The following RNF180 variants were observed in gnomAD, a reference collection of about 807,000 sequenced individuals.
RNF180 encodes ring finger protein 180, also known as E3 ubiquitin-protein ligase RNF180.
Under a neutral mutation model 59.2 loss-of-function variants are expected in RNF180, and 38 were observed. The ratio of observed to expected loss-of-function variants is 0.64; its 90% CI spans 0.50 to 0.84. The LOEUF (loss-of-function observed/expected upper bound fraction) is 0.84. RNF180 is among the 40% of genes least tolerant of loss of function. The pLI, the probability that RNF180 is intolerant of heterozygous loss-of-function variation, is 0.00. For synonymous variants in RNF180, 262 were observed against 240.3 expected, an observed-to-expected ratio of 1.09 and a Z score of -0.84; for missense variants, 705 against 700.9, an observed-to-expected ratio of 1.01 and a Z score of -0.07.
intron 5 of RNF180, among the ~76,000 whole-genome samples, chr5:64,246,231 C>G (rs1263198785): frequency 6.6e-6 from 1 of 151,958 alleles, no homozygotes; most frequent in Non-Finnish European, 1.5e-5. Context: ...CAAAGAAATT[C>G]AAAAGCTAGC....
intron 2 of RNF180, among the ~76,000 whole-genome samples, chr5:64,210,983 A>G (rs1016533097): frequency 1.3e-5 from 2 of 152,078 alleles, no homozygotes; most frequent in East Asian, 3.9e-4. Context: ...ATGGAGAGTG[A>G]GGAGCTGGAA....
At chr5:64,267,993 T>C (rs535324201) in intron 5 of RNF180, among the ~76,000 whole-genome samples, 1 of 152,300 alleles carries the variant, frequency 6.6e-6, no homozygotes, top group Admixed American at 6.5e-5. Flanking sequence ...GTAATTATTT[T>C]TCCTATCCAA....
intron 5 of RNF180, among the ~76,000 whole-genome samples, chr5:64,308,161 T>C (rs747588480): frequency 6.6e-6 from 1 of 151,762 alleles, no homozygotes; most frequent in Admixed American, 6.6e-5. Context: ...GAGTCTAGTT[T>C]ATGGAGAGCT....
chr5:64,173,974 G>A (rs1004097876), intron 1 of RNF180, among the ~76,000 whole-genome samples: 6 of 151,974 alleles, frequency 3.9e-5, no homozygotes, highest in Admixed American at 2.0e-4. Context: ...TTGGCCTCCC[G>A]AATTGCTGGG....
At chr5:64,365,530 G>A (rs752119049) in intron 7 of RNF180, among the ~76,000 whole-genome samples, 11 of 151,474 alleles carry the variant, frequency 7.3e-5, no homozygotes, top group Non-Finnish European at 1.0e-4. Context: ...TTCAGGTCCC[G>A]AATATCTTTG....
chr5:64,300,390 C>T (rs957235299), intron 5 of RNF180, among the ~76,000 whole-genome samples: 1 of 151,738 alleles, frequency 6.6e-6, no homozygotes, highest in Admixed American at 6.6e-5. Context: ...TTTATCTGGA[C>T]ATAACTCTGC....
intron 7 of RNF180, among the ~76,000 whole-genome samples, chr5:64,358,133 T>G (rs893166981): frequency 1.1e-4 from 17 of 151,884 alleles, no homozygotes; most frequent in African/African-American, 4.1e-4. Flanking sequence ...TTCACTGAAC[T>G]GCTGGGTGCT....
At chr5:64,204,115 A>T (rs1751891317) in intron 2 of RNF180, among the ~76,000 whole-genome samples, 1 of 152,284 alleles carries the variant, frequency 6.6e-6, no homozygotes, top group Admixed American at 6.5e-5. Flanking sequence ...CAGTATCACC[A>T]TGTCGAGTGT....
At chr5:64,225,991 TTCTGGGAAGTGAGGAGCGCCTCTGCCC>T (rs1741721452) in intron 5 of RNF180, among the ~76,000 whole-genome samples, 2 of 35,400 alleles carry the variant, frequency 5.6e-5, no homozygotes, top group African/African-American at 1.2e-4. Context: ...CGGCCGCCCC[TTCTGGGAAGTGAGGAGCGCCTCTGCCC>T]GGCCGCCCCG....
At chr5:64,199,882 A>G (rs1037427424) in intron 1 of RNF180, among the ~76,000 whole-genome samples, 1 of 152,192 alleles carries the variant, frequency 6.6e-6, no homozygotes, top group African/African-American at 2.4e-5. Flanking sequence ...ATAGATTACA[A>G]ATTTGGTGGG....
intron 5 of RNF180, among the ~76,000 whole-genome samples, chr5:64,255,893 A>T (rs1236779893): frequency 3.3e-5 from 5 of 152,254 alleles, no homozygotes; most frequent in African/African-American, 9.6e-5. Flanking sequence ...ATTGCCATTC[A>T]AACTGGTGTA....
chr5:64,265,017 A>G (rs545107791), intron 5 of RNF180, among the ~76,000 whole-genome samples: 7 of 152,026 alleles, frequency 4.6e-5, no homozygotes, highest in Non-Finnish European at 5.9e-5. Flanking sequence ...TGGCTGCATA[A>G]GTGTCTTCTT....
intron 1 of RNF180, among the ~76,000 whole-genome samples, chr5:64,169,762 A>G (rs577312645): frequency 1.3e-5 from 2 of 152,376 alleles, no homozygotes; most frequent in African/African-American, 2.4e-5. Context: ...ATCTAGAGCA[A>G]TTCTGTTAAT....
intron 7 of RNF180, among the ~76,000 whole-genome samples, chr5:64,339,979 C>T (rs1745295525): frequency 6.6e-6 from 1 of 152,068 alleles, no homozygotes; most frequent in Non-Finnish European, 1.5e-5. Flanking sequence ...TTATCAGATA[C>T]TAGTTGCATG....
chr5:64,314,370 A>G (rs1222215639), intron 5 of RNF180, among the ~76,000 whole-genome samples: 3 of 152,038 alleles, frequency 2.0e-5, no homozygotes, highest in African/African-American at 4.8e-5. Flanking sequence ...TTTAGATCCT[A>G]AGTTGAATTT....
intron 7 of RNF180, among the ~76,000 whole-genome samples, chr5:64,356,271 T>A (rs987985784): frequency 2.7e-5 from 4 of 150,092 alleles, no homozygotes; most frequent in South Asian, 2.1e-4. Context: ...AAAAAAAAAA[T>A]AAATGTGGTG....
At chr5:64,185,620 A>G (rs145776695) in intron 1 of RNF180, among the ~76,000 whole-genome samples, 11 of 152,286 alleles carry the variant, frequency 7.2e-5, no homozygotes, top group African/African-American at 1.9e-4. Flanking sequence ...TTTATACCTG[A>G]TATGTTTGGA....
At position 64,232,083 on chromosome 5, in the gene RNF180, C is replaced by T. The variant is rs184805763; in HGVS notation, c.1227+14687C>T. Reference sequence around the variant, plus strand: ...AACTGTTGTCATACTAAGTGCCAGACGTTTCCTGTCTATTAGATAGTAATA... The same window carrying T: ...AACTGTTGTCATACTAAGTGCCAGATGTTTCCTGTCTATTAGATAGTAATA... On this transcript the variant is annotated intron_variant, in intron 5 of 7. Coordinates refer to ENST00000389100, the MANE Select transcript of RNF180 (RefSeq NM_001113561.2). Among the ~76,000 whole-genome samples the T allele has an allele frequency of 2.1e-3, 319 of 152,248 alleles. 5 individuals are homozygous for T. The highest frequency in any genetic ancestry group is 4.1e-3 in the South Asian group (20 of 4,828).
rs2035998 is a variant in RNF180 at position 64,200,981 on chromosome 5, A to G, written c.135+39A>G. 9,730 of 1,591,380 alleles carry G rather than the reference A, an allele frequency of 6.1e-3. 308 individuals carry two copies. In the African/African-American group the frequency reaches 0.077, roughly 13 times the overall value. On this transcript the variant is annotated intron_variant, in intron 2 of 7. Coordinates refer to ENST00000389100, the MANE Select transcript of RNF180 (RefSeq NM_001113561.2). Reference sequence around the variant, plus strand: ...ACTCCAGTCTTCAGTTTCCTGGTAGAGGAGTGCTGTGGGCCTATCCACACA... The same window carrying G: ...ACTCCAGTCTTCAGTTTCCTGGTAGGGGAGTGCTGTGGGCCTATCCACACA...
Sources: gnomAD v4.1 joint callset for allele counts (sites outside exome capture counted in the v4.1 genomes callset) on GRCh38, gnomAD v4.1.1 for gene constraint, MANE v1.5 for transcripts, NCBI Gene and HGNC (gene_info 2026-07-23, HGNC 2026-07-21) for gene names.